The following PTPRT variants were observed in gnomAD, a reference collection of about 807,000 sequenced individuals.
The protein encoded by PTPRT is receptor-type tyrosine-protein phosphatase T.
In PTPRT, 56 loss-of-function variants were observed where a neutral mutation model predicts 176.8. The ratio of observed to expected loss-of-function variants is 0.32; its 90% CI spans 0.26 to 0.40. The LOEUF is 0.40. Among genes scored for constraint, PTPRT ranks in the 10% least tolerant of loss-of-function variants. PTPRT has a pLI of 1.00. For missense variants in PTPRT, 1,540 were observed against 1,908.2 expected (o/e 0.81, Z 3.60); for synonymous variants, 783 against 739.0 (o/e 1.06, Z -0.96).
At chr20:42,720,279 G>T (rs2076285115) in intron 6 of PTPRT, among the ~76,000 whole-genome samples, 1 of 152,128 alleles carries the variant, frequency 6.6e-6, no homozygotes, top group Non-Finnish European at 1.5e-5. Flanking sequence ...TAGCAGAATG[G>T]GAGGTAAAAA....
At chr20:42,472,052 G>GTCT (rs1236444893) in intron 8 of PTPRT, among the ~76,000 whole-genome samples, 3 of 152,224 alleles carry the variant, frequency 2.0e-5, no homozygotes, top group Non-Finnish European at 2.9e-5. Flanking sequence ...CTGAGTGCAA[G>GTCT]TCTATGGCAG....
rs558216999 is a variant in PTPRT at position 42,712,178 on chromosome 20, T to C, written c.860-34019A>G. Among the ~76,000 whole-genome samples the C allele has an allele frequency of 2.2e-3, 266 of 121,520 alleles. 1 individual carries two copies. Among genetic ancestry groups the C allele is most frequent in the Non-Finnish European group, 2.1e-3 (124 of 59,694 alleles). 79.7% of individuals were successfully genotyped at this position (121,520 alleles called of 152,430 possible). On this transcript the variant is annotated intron_variant, in intron 6 of 30. Transcript: ENST00000373187. Reference sequence around the variant, plus strand: ...AGGAAAATAATCCTGAATGACATTGTTCTTCTCTCAACAGGCTCCCGAAGA... The same window carrying C: ...AGGAAAATAATCCTGAATGACATTGCTCTTCTCTCAACAGGCTCCCGAAGA...
At chr20:42,703,672 C>T (rs1216092796) in intron 6 of PTPRT, among the ~76,000 whole-genome samples, 1 of 152,156 alleles carries the variant, frequency 6.6e-6, no homozygotes, top group African/African-American at 2.4e-5. Flanking sequence ...ATTTACTACA[C>T]AGAAAAGCTT....
intron 6 of PTPRT, among the ~76,000 whole-genome samples, chr20:42,710,062 G>T (rs2076121734): frequency 6.6e-6 from 1 of 152,146 alleles, no homozygotes; most frequent in Non-Finnish European, 1.5e-5. Flanking sequence ...CCTATGATCA[G>T]ATGTGGGAAC....
At chr20:42,941,088 A>AATAAT (rs1980517934) in intron 1 of PTPRT, among the ~76,000 whole-genome samples, 4 of 150,400 alleles carry the variant, frequency 2.7e-5, no homozygotes, top group Admixed American at 2.0e-4. Flanking sequence ...TCTCAAAAAA[A>AATAAT]AATAATAATA....
chr20:43,016,385 C>T (rs116789869), intron 1 of PTPRT, among the ~76,000 whole-genome samples: 43 of 152,116 alleles, frequency 2.8e-4, no homozygotes, highest in African/African-American at 1.0e-3. Flanking sequence ...TCTGTTACTT[C>T]CCTCTGCTGT....
intron 1 of PTPRT, among the ~76,000 whole-genome samples, chr20:43,062,189 G>A (rs191478050): frequency 6.6e-6 from 1 of 152,278 alleles, no homozygotes; most frequent in East Asian, 1.9e-4. Flanking sequence ...ATGCACATTG[G>A]TCAAAACCAA....
intron 16 of PTPRT, among the ~76,000 whole-genome samples, chr20:42,165,622 G>A (rs548082856): frequency 7.9e-5 from 12 of 152,356 alleles, no homozygotes; most frequent in South Asian, 6.2e-4. Context: ...TCTGCAATTT[G>A]GTGGCCACTA....
chr20:42,356,130 GAAGA>G (rs2145544658), intron 9 of PTPRT, among the ~76,000 whole-genome samples: 1 of 152,284 alleles, frequency 6.6e-6, no homozygotes, highest in African/African-American at 2.4e-5. Context: ...GGGAGGGAAA[GAAGA>G]AAGGTGAGAA....
At chr20:42,553,577 T>C (rs1437915245) in intron 7 of PTPRT, among the ~76,000 whole-genome samples, 2 of 152,268 alleles carry the variant, frequency 1.3e-5, no homozygotes, top group East Asian at 3.9e-4. Flanking sequence ...TTACATTCTC[T>C]CTCTTGCACT....
rs574604840 is a variant in PTPRT at position 43,141,454 on chromosome 20, C to T, written c.88+48192G>A. Among the ~76,000 whole-genome samples, 153 of 152,332 alleles carry T rather than the reference C, an allele frequency of 1.0e-3. 1 individual carries two copies. The Middle Eastern group carries it at 0.01, about 10-fold the overall frequency. On this transcript the variant is annotated intron_variant, in intron 1 of 30. Transcript: ENST00000373187. ...ACATCCAGCAGGCTGATCTGGGCTT[C>T]TTCACATGGAGGTGTCAGCAGGGAC...
intron 1 of PTPRT, among the ~76,000 whole-genome samples, chr20:42,983,994 A>G (rs1234214567): frequency 6.6e-5 from 10 of 152,186 alleles, no homozygotes. Flanking sequence ...CAGGTCTACC[A>G]TGCCCATTTG....
rs143356588 is a variant in PTPRT, at chr20:42,267,288, T to C, written c.2176+15201A>G. Reference sequence around the variant, plus strand: ...TGTTTTGAGCATGGCACATTTAAAGTAGGCTAGGTTAAGCTATGATGTTCC... The same window carrying C: ...TGTTTTGAGCATGGCACATTTAAAGCAGGCTAGGTTAAGCTATGATGTTCC... On this transcript the variant is annotated intron_variant, in intron 13 of 30. Coordinates refer to ENST00000373187, the MANE Select transcript of PTPRT (RefSeq NM_007050.6). Among the ~76,000 whole-genome samples, 58 of 152,348 alleles carry C rather than the reference T, an allele frequency of 3.8e-4. 1 individual carries two copies. In the East Asian group the frequency reaches 0.01, roughly 27 times the overall value.
At chr20:42,159,097 C>G (rs1387598399) in intron 17 of PTPRT, among the ~76,000 whole-genome samples, 1 of 146,778 alleles carries the variant, frequency 6.8e-6, no homozygotes, top group Non-Finnish European at 1.5e-5. Flanking sequence ...CATTTGGCTA[C>G]TTGTCCCTTT....
chr20:42,387,523 C>A (rs1242034471), intron 9 of PTPRT, among the ~76,000 whole-genome samples: 1 of 151,698 alleles, frequency 6.6e-6, no homozygotes, highest in Non-Finnish European at 1.5e-5. Flanking sequence ...TTGTTGTCGT[C>A]GTCATTTGTT....
chr20:42,886,277 G>A lies in PTPRT; in HGVS notation c.89-345C>T, dbSNP rs1484664459. Among the ~76,000 whole-genome samples the A allele has an allele frequency of 2.6e-5, 4 of 152,168 alleles. No individual in the cohort carries two copies. In the East Asian group the frequency reaches 5.8e-4, roughly 22 times the overall value. On this transcript the variant is annotated intron_variant, in intron 1 of 30. Transcript: ENST00000373187. ...CCTCTGTAATTGCTTTGTGCAGCAC[G>A]GAGAGATGCTGTGAGGCAGCGGAAG...
At chr20:42,295,124 T>A (rs1332073346) in intron 12 of PTPRT, among the ~76,000 whole-genome samples, 1 of 151,972 alleles carries the variant, frequency 6.6e-6, no homozygotes, top group African/African-American at 2.4e-5. Flanking sequence ...ACTGAAAGAG[T>A]GCACAGTACC....
At chr20:42,818,376 C>T (rs925823906) in intron 2 of PTPRT, among the ~76,000 whole-genome samples, 1 of 151,940 alleles carries the variant, frequency 6.6e-6, no homozygotes, top group East Asian at 1.9e-4. Context: ...AAAAAAAACC[C>T]ATTCAAGGGT....
At chr20:42,617,227 A>G (rs1313196143) in intron 7 of PTPRT, among the ~76,000 whole-genome samples, 2 of 135,746 alleles carry the variant, frequency 1.5e-5, no homozygotes, top group Non-Finnish European at 3.1e-5. Context: ...CTCTGTTTAT[A>G]TGCTGGATTA....
Sources: gnomAD v4.1 joint callset for allele counts (sites outside exome capture counted in the v4.1 genomes callset) on GRCh38, gnomAD v4.1.1 for gene constraint, MANE v1.5 for transcripts, NCBI Gene and HGNC (gene_info 2026-07-23, HGNC 2026-07-21) for gene names.